The following CACNA2D4 variants were observed in gnomAD, a reference collection of about 807,000 sequenced individuals.
CACNA2D4 encodes calcium voltage-gated channel auxiliary subunit alpha2delta 4.
Under a neutral mutation model 163.8 loss-of-function variants are expected in CACNA2D4, and 157 were observed. The observed-to-expected ratio is 0.96, with a 90% CI of 0.84 to 1.09. CACNA2D4 has a LOEUF of 1.09. Ranked by LOEUF, CACNA2D4 falls within the 50% of genes least tolerant of loss-of-function variation. The probability of loss-of-function intolerance (pLI) is 0.00; values close to 1 mark genes in which losing one functional copy is unlikely to be tolerated. For missense variants in CACNA2D4, 1,410 were observed against 1,479.9 expected (o/e 0.95, Z 0.78); for synonymous variants, 598 against 586.9 (o/e 1.02, Z -0.27).
At position 1,884,825 on chromosome 12, in the gene CACNA2D4, G is replaced by A. The variant is rs1279555928; in HGVS notation, c.1215C>T (p.Asp405=). 5.0e-6 allele frequency: 8 copies of A among 1,613,680 alleles called. 1 individual carries two copies. Among genetic ancestry groups the A allele is most frequent in the South Asian group, 4.4e-5 (4 of 91,058 alleles). The change falls in exon 11 of 38, where the codon GAC becomes GAT. Residue 405 remains aspartate, a synonymous_variant. Coordinates refer to ENST00000382722, the MANE Select transcript of CACNA2D4 (RefSeq NM_172364.5). ...CCGGCTCGTAGTCCTCCACGGCGCC[G>A]TCGCTGATGAGCATGATGGCCTGGT... is the stretch of plus-strand genomic sequence containing the variant. ...LCNQAIMLIS[D]GAVEDYEPVF...
intron 26 of CACNA2D4, among the ~76,000 whole-genome samples, chr12:1,832,731 A>G (rs1864687093): frequency 6.6e-6 from 1 of 152,240 alleles, no homozygotes; most frequent in South Asian, 2.1e-4. Flanking sequence ...CTACTTATAT[A>G]GTTTCCAGTT....
Position 1,907,577 on chromosome 12 carries a change from G to A in CACNA2D4, c.650-6C>T. Reference sequence around the variant, plus strand: ...TCCATTTAAAATATCTGGGTCTGAAGGGTGAGACTATAGATTATGATCCTG... The same window carrying A: ...TCCATTTAAAATATCTGGGTCTGAAAGGTGAGACTATAGATTATGATCCTG... On this transcript the variant is annotated splice_polypyrimidine_tract_variant and splice_region_variant and intron_variant, in intron 5 of 37. Transcript: ENST00000382722. The A allele has an allele frequency of 6.2e-7, 1 of 1,611,086 alleles. No individual in the cohort carries two copies. The highest frequency in any genetic ancestry group is 8.5e-7 in the Non-Finnish European group (1 of 1,177,896).
intron 22 of CACNA2D4, among the ~76,000 whole-genome samples, 152 bp from the exon 23 acceptor site, chr12:1,854,196 A>G (rs1217918849): frequency 5.3e-5 from 8 of 152,104 alleles, no homozygotes; most frequent in African/African-American, 1.9e-4. Flanking sequence ...GAGCTGCCTC[A>G]CCTCTGTCTG....
intron 6 of CACNA2D4, among the ~76,000 whole-genome samples, chr12:1,895,001 C>A (rs1866368189): frequency 6.6e-6 from 1 of 151,980 alleles, no homozygotes; most frequent in Non-Finnish European, 1.5e-5. Flanking sequence ...AAGACTCCAC[C>A]AAAAAACTCT....
At chr12:1,811,756 G>C in intron 26 of CACNA2D4, 33 bp from the exon 27 acceptor site, 2 of 1,550,646 alleles carry the variant, frequency 1.3e-6, no homozygotes, top group Non-Finnish European at 1.7e-6. Flanking sequence ...GCAAGGCCAG[G>C]GAAGAGACGG....
intron 26 of CACNA2D4, 41 bp from the exon 27 acceptor site, chr12:1,811,764 C>T (rs370625588): frequency 1.6e-4 from 253 of 1,541,762 alleles, no homozygotes; most frequent in East Asian, 1.4e-3. Context: ...AGGGAAGAGA[C>T]GGGGAGAGAA....
intron 18 of CACNA2D4, among the ~76,000 whole-genome samples, chr12:1,868,559 C>G (rs1865703339): frequency 6.6e-6 from 1 of 151,254 alleles, no homozygotes; most frequent in Non-Finnish European, 1.5e-5. Context: ...AACATGAGGA[C>G]TAGAGTTCAT....
At chr12:1,898,326 A>G (rs1397421774) in intron 6 of CACNA2D4, among the ~76,000 whole-genome samples, 1 of 152,132 alleles carries the variant, frequency 6.6e-6, no homozygotes, top group African/African-American at 2.4e-5. Flanking sequence ...TAAATCATCA[A>G]TCCAACAAGA....
chr12:1,908,547 G>T (rs944620105), intron 4 of CACNA2D4, among the ~76,000 whole-genome samples: 2 of 151,990 alleles, frequency 1.3e-5, no homozygotes, highest in Non-Finnish European at 2.9e-5. Context: ...GATTGCCTCC[G>T]GTGGAGCCCC....
At chr12:1,817,656 A>G (rs59061280) in intron 26 of CACNA2D4, among the ~76,000 whole-genome samples, 19,768 of 151,456 alleles carry the variant, frequency 0.13, 1,585 homozygotes, top group Admixed American at 0.21. Flanking sequence ...ACTGGTTTTC[A>G]TATTTTTTTG....
chr12:1,882,664 A>G (rs68074245), intron 13 of CACNA2D4, among the ~76,000 whole-genome samples: 37,176 of 152,114 alleles, frequency 0.24, 6,120 homozygotes, highest in East Asian at 0.46. Context: ...GCAGCATATG[A>G]GCAGTGGTCC....
chr12:1,825,786 G>A (rs1254671585), intron 26 of CACNA2D4, among the ~76,000 whole-genome samples: 2 of 152,218 alleles, frequency 1.3e-5, no homozygotes, highest in Non-Finnish European at 2.9e-5. Context: ...CTGGGTGACA[G>A]TCGCCAGGGA....
intron 27 of CACNA2D4, 26 bp downstream of exon 27, chr12:1,811,636 C>A: frequency 6.4e-7 from 1 of 1,555,316 alleles, no homozygotes; most frequent in Non-Finnish European, 8.7e-7. Context: ...GTCCCCAGCC[C>A]CGACCTGGCC....
At chr12:1,867,585 A>G (rs1466972702) in intron 18 of CACNA2D4, among the ~76,000 whole-genome samples, 1 of 152,248 alleles carries the variant, frequency 6.6e-6, no homozygotes, top group African/African-American at 2.4e-5. Flanking sequence ...AAAGTGACTA[A>G]TACCTTCTGC....
At chr12:1,800,750 C>T (rs931465987) in intron 31 of CACNA2D4, 17 of 591,102 alleles carry the variant, frequency 2.9e-5, no homozygotes, top group East Asian at 1.4e-4. Flanking sequence ...GGTGATCAAG[C>T]GGCAGTGTCA....
chr12:1,835,032 A>G (rs1864797218), intron 26 of CACNA2D4: 1 of 337,848 alleles, frequency 3.0e-6, no homozygotes, highest in Non-Finnish European at 5.3e-6. Context: ...CGGACTGGGC[A>G]TTCCCCTGTC....
chr12:1,793,572 A>G lies in CACNA2D4; in HGVS notation c.*83T>C, dbSNP rs1863032940. ...GCCTGGGGGCGACCCAACTGCAGTT[A>G]GCTGCATCCCATGTCAGTGCTGACT... On this transcript the variant is annotated 3_prime_UTR_variant, in exon 38 of 38. Coordinates refer to ENST00000382722, the MANE Select transcript of CACNA2D4 (RefSeq NM_172364.5). 1 of 1,237,272 alleles carries G rather than the reference A, an allele frequency of 8.1e-7. No homozygotes were observed. The highest frequency in any genetic ancestry group is 1.5e-5 in the African/African-American group (1 of 67,676). The allele number at this position is 1,237,272 out of a possible 1,614,324, so 76.6% of individuals were successfully genotyped here.
intron 16 of CACNA2D4, among the ~76,000 whole-genome samples, chr12:1,876,040 G>C (rs1865873922): frequency 6.6e-6 from 1 of 152,164 alleles, no homozygotes; most frequent in South Asian, 2.1e-4. Context: ...AGTCCCCTTG[G>C]TCTTCCTCAT....
intron 14 of CACNA2D4, 25 bp from the exon 15 acceptor site, chr12:1,879,061 G>T: frequency 6.2e-7 from 1 of 1,600,140 alleles, no homozygotes. Flanking sequence ...ACAAGGGGTG[G>T]GGGAGACCCA....
Sources: allele counts gnomAD v4.1 joint callset (sites outside exome capture counted in the v4.1 genomes callset), GRCh38; gene constraint gnomAD v4.1.1; transcripts MANE v1.5; gene names NCBI Gene and HGNC (gene_info 2026-07-23, HGNC 2026-07-21).